The following ATXN7L1 variants were observed in gnomAD, a reference collection of about 807,000 sequenced individuals.
ATXN7L1 encodes ataxin 7 like 1, also known as ataxin-7-like protein 1.
A neutral mutation model predicts 70.8 loss-of-function variants in ATXN7L1; 15 were observed. That is an observed-to-expected ratio of 0.21 (90% CI 0.14 to 0.33). The LOEUF is 0.33. ATXN7L1 is among the 10% of genes least tolerant of loss of function. ATXN7L1 has a pLI of 1.00. For synonymous variants in ATXN7L1, 440 were observed against 445.1 expected (o/e 0.99, Z 0.14); for missense variants, 975 against 1,097.1 (o/e 0.89, Z 1.57).
At position 105,607,636 on chromosome 7, in the gene ATXN7L1, C is replaced by T; in HGVS notation, c.*216G>A. The T allele has an allele frequency of 1.8e-6, 1 of 568,816 alleles. No individual in the cohort carries two copies. Among genetic ancestry groups the T allele is most frequent in the South Asian group, 2.5e-5 (1 of 40,304 alleles). 35.2% of individuals were successfully genotyped at this position (568,816 alleles called of 1,614,324 possible). ...AAGGAAAGACAGCGGAAACCAAACACTGGAACTGTTTTCTGTAAATCTCAA... is the reference window on the plus strand; with the variant it reads ...AAGGAAAGACAGCGGAAACCAAACATTGGAACTGTTTTCTGTAAATCTCAA... On this transcript the variant is annotated 3_prime_UTR_variant, in exon 12 of 12. Coordinates refer to ENST00000419735, the MANE Select transcript of ATXN7L1 (RefSeq NM_020725.2).
chr7:105,865,753 C>G (rs1817362685), intron 2 of ATXN7L1, among the ~76,000 whole-genome samples: 1 of 152,076 alleles, frequency 6.6e-6, no homozygotes, highest in Non-Finnish European at 1.5e-5. Flanking sequence ...TAAGTATATT[C>G]ACAATGTTGT....
chr7:105,705,789 G>A (rs1563022284), intron 3 of ATXN7L1, among the ~76,000 whole-genome samples: 1 of 152,098 alleles, frequency 6.6e-6, no homozygotes, highest in Non-Finnish European at 1.5e-5. Context: ...AGCGCATTTG[G>A]GACACTTAGG....
rs749869096 is a variant in ATXN7L1, at chr7:105,755,938, C to T, written c.355+32666G>A. On this transcript the variant is annotated intron_variant, in intron 3 of 11. Transcript: ENST00000419735. The stretch of plus-strand genomic sequence containing the variant: ...TTGCCAAGCACCCCACTCCATGTGT[C>T]TGGTCTGCTTGTAGCCACCCACCTC... Among the ~76,000 whole-genome samples, 4 of 152,194 alleles carry T rather than the reference C, an allele frequency of 2.6e-5. No homozygotes were observed. The South Asian group carries it at 8.3e-4, about 32-fold the overall frequency.
At chr7:105,867,022 C>T (rs530431254) in intron 2 of ATXN7L1, among the ~76,000 whole-genome samples, 20 of 152,298 alleles carry the variant, frequency 1.3e-4, no homozygotes, top group Middle Eastern at 3.4e-3. Flanking sequence ...GCAACCAACC[C>T]GGAAAACCAT....
chr7:105,668,596 AT>A (rs1329519300), intron 3 of ATXN7L1, among the ~76,000 whole-genome samples: 1 of 152,082 alleles, frequency 6.6e-6, no homozygotes, highest in Non-Finnish European at 1.5e-5. Flanking sequence ...TAATTTTTAT[AT>A]TTTTAGTAGA....
intron 2 of ATXN7L1, among the ~76,000 whole-genome samples, chr7:105,844,517 C>T (rs754800445): frequency 1.3e-5 from 2 of 152,132 alleles, no homozygotes; most frequent in Non-Finnish European, 2.9e-5. Context: ...ATGCATTTGA[C>T]AAATCCAATC....
At chr7:105,859,965 T>A (rs1585172710) in intron 2 of ATXN7L1, among the ~76,000 whole-genome samples, 2 of 149,752 alleles carry the variant, frequency 1.3e-5, no homozygotes, top group Middle Eastern at 3.5e-3. Context: ...GTATTTTTAG[T>A]AGAGATGGGG....
At chr7:105,846,176 T>A (rs1010259148) in intron 2 of ATXN7L1, among the ~76,000 whole-genome samples, 1 of 152,056 alleles carries the variant, frequency 6.6e-6, no homozygotes, top group Non-Finnish European at 1.5e-5. Context: ...CTTATACATA[T>A]CCAGAATAAA....
intron 3 of ATXN7L1, among the ~76,000 whole-genome samples, chr7:105,745,840 T>C (rs1270202004): frequency 6.6e-6 from 1 of 152,230 alleles, no homozygotes; most frequent in African/African-American, 2.4e-5. Flanking sequence ...GTAACACCTA[T>C]GTGTGAATGG....
chr7:105,869,981 A>G (rs1413471548), intron 2 of ATXN7L1, among the ~76,000 whole-genome samples: 1 of 152,194 alleles, frequency 6.6e-6, no homozygotes, highest in East Asian at 1.9e-4. Flanking sequence ...ACTGCACTCT[A>G]TTAAAAACAT....
chr7:105,865,893 G>A (rs1210074730), intron 2 of ATXN7L1, among the ~76,000 whole-genome samples: 1 of 152,086 alleles, frequency 6.6e-6, no homozygotes, highest in Non-Finnish European at 1.5e-5. Flanking sequence ...CTCGCTGTCT[G>A]TATGAATCTG....
intron 7 of ATXN7L1, among the ~76,000 whole-genome samples, chr7:105,631,447 AT>A (rs1245617786): frequency 6.6e-6 from 1 of 152,172 alleles, no homozygotes; most frequent in Non-Finnish European, 1.5e-5. Context: ...AGTTATCACC[AT>A]TTCTGCCAGG....
intron 2 of ATXN7L1, among the ~76,000 whole-genome samples, chr7:105,816,378 A>T (rs1207002412): frequency 6.6e-6 from 1 of 152,222 alleles, no homozygotes; most frequent in East Asian, 1.9e-4. Flanking sequence ...CTTGAAACTG[A>T]AATTTTTATA....
At chr7:105,741,469 G>A (rs979087083) in intron 3 of ATXN7L1, among the ~76,000 whole-genome samples, 7 of 152,108 alleles carry the variant, frequency 4.6e-5, no homozygotes, top group South Asian at 2.1e-4. Flanking sequence ...TGAGCTTGAC[G>A]TTCTTTTCTC....
intron 3 of ATXN7L1, among the ~76,000 whole-genome samples, chr7:105,693,811 T>C (rs1225581902): frequency 1.3e-5 from 2 of 152,168 alleles, no homozygotes; most frequent in Non-Finnish European, 2.9e-5. Flanking sequence ...ACCCACATTT[T>C]ATTACCAACT....
chr7:105,838,003 A>G lies in ATXN7L1; in HGVS notation c.250+37809T>C, dbSNP rs374934556. On this transcript the variant is annotated intron_variant, in intron 2 of 11. Coordinates refer to ENST00000419735, the MANE Select transcript of ATXN7L1 (RefSeq NM_020725.2). ...TGAACCAAGTCTTCTCCCTCGGAAA[A>G]TAGCTTCCCTCCAGCCTCCTTCAAG... Among the ~76,000 whole-genome samples, 40 of 152,360 alleles carry G rather than the reference A, an allele frequency of 2.6e-4. No individual in the cohort carries two copies. The South Asian group carries it at 6.2e-3, about 24-fold the overall frequency.
rs998355052 is a variant in ATXN7L1 at position 105,617,061 on chromosome 7, C to T, written c.1518-2245G>A. On this transcript the variant is annotated intron_variant, in intron 9 of 11. Coordinates refer to ENST00000419735, the MANE Select transcript of ATXN7L1 (RefSeq NM_020725.2). ...TTTTTTTTTTAGATGGAGTCTTGCT[C>T]TGTTCCCCAGGCTGGAGTGCAGTGG... Among the ~76,000 whole-genome samples, 36 of 151,518 alleles carry T rather than the reference C, an allele frequency of 2.4e-4. 1 individual carries two copies. Among genetic ancestry groups the T allele is most frequent in the African/African-American group, 7.0e-4 (29 of 41,256 alleles).
intron 3 of ATXN7L1, among the ~76,000 whole-genome samples, chr7:105,708,258 C>A (rs1225469647): frequency 6.6e-6 from 1 of 152,136 alleles, no homozygotes; most frequent in Non-Finnish European, 1.5e-5. Flanking sequence ...ACCTCTCGGG[C>A]CTCAGTGTCC....
intron 3 of ATXN7L1, among the ~76,000 whole-genome samples, chr7:105,744,735 C>CTTTTTTT (rs11465151): frequency 1.7e-5 from 2 of 117,126 alleles, no homozygotes; most frequent in East Asian, 2.5e-4. Flanking sequence ...TCTTTCTTTA[C>CTTTTTTT]TTTTTTTTTT....
Sources: gnomAD v4.1 joint callset for allele counts (sites outside exome capture counted in the v4.1 genomes callset) on GRCh38, gnomAD v4.1.1 for gene constraint, MANE v1.5 for transcripts, NCBI Gene and HGNC (gene_info 2026-07-23, HGNC 2026-07-21) for gene names.